ANKRD36C: variants seen among roughly 807,000 people sequenced by gnomAD.
ANKRD36C encodes ankyrin repeat domain-containing protein 36C.
Under a neutral mutation model 276.4 loss-of-function variants are expected in ANKRD36C, and 61 were observed. The observed-to-expected ratio is 0.22, with a 90% CI of 0.18 to 0.27. ANKRD36C has a LOEUF of 0.27. Among genes scored for constraint, ANKRD36C ranks in the 10% least tolerant of loss-of-function variants. The pLI is 1.00. For missense variants in ANKRD36C, 1,447 were observed against 2,032.3 expected (o/e 0.71, Z 5.54); for synonymous variants, 483 against 680.1 (o/e 0.71, Z 4.51).
At position 95,893,266 on chromosome 2, in the gene ANKRD36C, C is replaced by A. The variant is rs537533945; in HGVS notation, c.2756-1406G>T. 2.4e-4 allele frequency among the ~76,000 whole-genome samples: 36 copies of A among 151,290 alleles called. 1 individual carries two copies. The South Asian group carries it at 7.1e-3, about 30-fold the overall frequency. On this transcript the variant is annotated intron_variant, in intron 44 of 66. Coordinates refer to ENST00000456556, the Ensembl canonical transcript of ANKRD36C. Reference sequence around the variant, plus strand: ...GCTGGAGAATTAAAGCAAAACTATGCTGTTCCCCAGAGCCCCTTATGTCTT... The same window carrying A: ...GCTGGAGAATTAAAGCAAAACTATGATGTTCCCCAGAGCCCCTTATGTCTT...
intron 44 of ANKRD36C, chr2:95,894,316 T>TA (rs1676468327): frequency 6.8e-6 from 1 of 147,630 alleles, no homozygotes; most frequent in Non-Finnish European, 1.5e-5. Flanking sequence ...CCATGTGGTA[T>TA]AAAAATTTGC....
chr2:95,878,643 A>G (rs1310763252), intron 58 of ANKRD36C, among the ~76,000 whole-genome samples: 1 of 152,228 alleles, frequency 6.6e-6, no homozygotes, highest in Admixed American at 6.5e-5. Flanking sequence ...ATGCTCAGAA[A>G]TAGTAGCAAA....
chr2:95,978,710 G>A (rs1678860214), intron 5 of ANKRD36C, among the ~76,000 whole-genome samples: 1 of 151,934 alleles, frequency 6.6e-6, no homozygotes, highest in African/African-American at 2.4e-5. Flanking sequence ...ATATTCAAAT[G>A]CTTCAGTTTA....
In ANKRD36C at chr2:95,902,850, G is replaced by C. The variant is rs1326865444; in HGVS notation, c.2654-3514C>G. The C allele has an allele frequency of 5.2e-6, 8 of 1,533,876 alleles. No homozygotes were observed. The African/African-American group carries it at 8.3e-5, about 16-fold the overall frequency. On this transcript the variant is annotated intron_variant, in intron 42 of 66. Transcript: ENST00000456556. ...CGGAAGAGAATTTCTTATCTATCTG[G>C]ACTGAACATGACATTAAATCTCTTT... is the stretch of plus-strand genomic sequence containing the variant.
chr2:95,893,790 G>T (rs1676449057), intron 44 of ANKRD36C, 66 bp from the exon 63 acceptor site: 1 of 1,598,734 alleles, frequency 6.3e-7, no homozygotes, highest in East Asian at 2.3e-5. Context: ...ATAGATTCAT[G>T]CAGAGTTAGC....
chr2:95,884,204 T>C, exon 54 of ANKRD36C: 1 of 1,609,560 alleles, frequency 6.2e-7, no homozygotes, highest in Non-Finnish European at 8.5e-7. Flanking sequence ...CCTTTATTTC[T>C]CTGGCTATAT....
At chr2:95,864,271 A>G (rs1675641710) in intron 60 of ANKRD36C, among the ~76,000 whole-genome samples, 1 of 152,132 alleles carries the variant, frequency 6.6e-6, no homozygotes, top group Admixed American at 6.6e-5. Context: ...TTGAAACACC[A>G]TCATTATTTA....
intron 4 of ANKRD36C, 29 bp from the exon 5 acceptor site, chr2:95,980,814 T>G: frequency 6.4e-7 from 1 of 1,550,402 alleles, no homozygotes; most frequent in Non-Finnish European, 8.7e-7. Context: ...AATTAAAAAC[T>G]TTAATGACAT....
intron 34 of ANKRD36C, among the ~76,000 whole-genome samples, chr2:95,920,388 T>A (rs1291516254): frequency 7.6e-6 from 1 of 132,432 alleles, no homozygotes; most frequent in Non-Finnish European, 1.7e-5. Context: ...ACAGTTACCA[T>A]GGCACTTCAG....
intron 28 of ANKRD36C, 71 bp downstream of exon 28, chr2:95,927,142 AT>A: frequency 6.3e-7 from 1 of 1,586,028 alleles, no homozygotes. Flanking sequence ...TCCCCCGCTG[AT>A]TTATTCCAGG....
chr2:95,915,850 T>A, intron 38 of ANKRD36C, 130 bp downstream of exon 40: 3 of 1,303,784 alleles, frequency 2.3e-6, no homozygotes, highest in Non-Finnish European at 3.2e-6. Flanking sequence ...CAAGAACTTA[T>A]TAGAAATGAA....
intron 6 of ANKRD36C, among the ~76,000 whole-genome samples, chr2:95,967,561 A>T (rs1678617671): frequency 1.3e-5 from 2 of 152,144 alleles, no homozygotes. Context: ...TAGTTCAACC[A>T]TTGTGGAAGA....
chr2:95,920,281 C>T lies in ANKRD36C; in HGVS notation c.2245+1326G>A, dbSNP rs1677227911. Among the ~76,000 whole-genome samples the T allele has an allele frequency of 1.5e-5, 2 of 132,514 alleles. 1 individual carries two copies. Among genetic ancestry groups the T allele is most frequent in the Non-Finnish European group, 3.3e-5 (2 of 59,726 alleles). 86.9% of individuals were successfully genotyped at this position (132,514 alleles called of 152,430 possible). A position where few individuals can be genotyped will look rare whatever the true frequency, so the allele number is the denominator to read the frequency against. ...AATGTCAAAGCAGGTGCTACATGAT[C>T]CCACATGTCTTTCGTGCAACAAATC... is the stretch of plus-strand genomic sequence containing the variant. On this transcript the variant is annotated intron_variant, in intron 34 of 66. Coordinates refer to ENST00000456556, the Ensembl canonical transcript of ANKRD36C.
chr2:95,918,181 G>C (rs1677160477), intron 34 of ANKRD36C, 139 bp from the exon 37 acceptor site: 4 of 1,387,356 alleles, frequency 2.9e-6, no homozygotes, highest in East Asian at 2.5e-5. Context: ...TTGTGTCTTG[G>C]GACTGGAACA....
At chr2:95,918,453 C>A (rs1181159284) in intron 34 of ANKRD36C, among the ~76,000 whole-genome samples, 1 of 151,582 alleles carries the variant, frequency 6.6e-6, no homozygotes, top group Non-Finnish European at 1.5e-5. Flanking sequence ...CATTATACTA[C>A]AAACATTCAT....
At chr2:95,882,240 G>T (rs1676100231) in intron 56 of ANKRD36C, 62 bp downstream of exon 76, 2 of 1,539,212 alleles carry the variant, frequency 1.3e-6, no homozygotes, top group Non-Finnish European at 1.8e-6. Context: ...GATCTATTCA[G>T]GGGTGGGACA....
chr2:95,884,226 T>A, exon 54 of ANKRD36C: 1 of 1,609,974 alleles, frequency 6.2e-7, no homozygotes, highest in Admixed American at 1.7e-5. Context: ...CGAAACAGAA[T>A]CTTTCTCATC....
chr2:95,856,016 T>C (rs781090531), exon 63 of ANKRD36C: 19 of 1,612,020 alleles, frequency 1.2e-5, no homozygotes, highest in Non-Finnish European at 1.6e-5. Flanking sequence ...TTAGAGCCTT[T>C]TGAAGGTCTT....
intron 44 of ANKRD36C, 76 bp from the exon 63 acceptor site, chr2:95,893,800 C>T: frequency 1.3e-6 from 2 of 1,596,080 alleles, no homozygotes; most frequent in Middle Eastern, 2.3e-4. Context: ...GCAGAGTTAG[C>T]ATCAAACTCT....
Sources: allele counts gnomAD v4.1 joint callset (sites outside exome capture counted in the v4.1 genomes callset), GRCh38; gene constraint gnomAD v4.1.1; transcripts MANE v1.5; gene names NCBI Gene and HGNC (gene_info 2026-07-23, HGNC 2026-07-21).